The following SLIT3 variants were observed in gnomAD, a reference collection of about 807,000 sequenced individuals.
The protein encoded by SLIT3 is slit guidance ligand 3.
SLIT3 carries 68 observed loss-of-function variants against 184.0 expected under a neutral mutation model. The ratio of observed to expected loss-of-function variants is 0.37; its 90% CI spans 0.30 to 0.45. The LOEUF is 0.45. SLIT3 is among the 20% of genes least tolerant of loss of function. The pLI is 1.00. For missense variants in SLIT3, 1,707 were observed against 2,026.0 expected (o/e 0.84, Z 3.02); for synonymous variants, 831 against 828.6 (o/e 1.00, Z -0.05).
intron 4 of SLIT3, among the ~76,000 whole-genome samples, chr5:168,934,687 G>C (rs1762097312): frequency 1.3e-5 from 2 of 152,046 alleles, no homozygotes; most frequent in Admixed American, 1.3e-4. Flanking sequence ...GTAGGAAAGG[G>C]GAGCACTTCT....
intron 20 of SLIT3, among the ~76,000 whole-genome samples, chr5:168,746,071 A>G (rs1324774987): frequency 6.6e-6 from 1 of 152,234 alleles, no homozygotes; most frequent in Non-Finnish European, 1.5e-5. Context: ...TATAGTATAA[A>G]CATAACTTCG....
At chr5:169,104,217 A>G (rs1760119215) in intron 4 of SLIT3, among the ~76,000 whole-genome samples, 1 of 152,146 alleles carries the variant, frequency 6.6e-6, no homozygotes, top group Non-Finnish European at 1.5e-5. Flanking sequence ...TGCACCCATG[A>G]AGCCGCGCCG....
chr5:168,805,774 G>T (rs1440214262), intron 9 of SLIT3, among the ~76,000 whole-genome samples: 1 of 152,208 alleles, frequency 6.6e-6, no homozygotes, highest in African/African-American at 2.4e-5. Context: ...CTCAGATAAT[G>T]GTAGCTAAGA....
chr5:169,048,598 C>A (rs1757707398), intron 4 of SLIT3, among the ~76,000 whole-genome samples: 1 of 152,222 alleles, frequency 6.6e-6, no homozygotes, highest in African/African-American at 2.4e-5. Flanking sequence ...TTACAGACTT[C>A]TTCCAGTGTT....
chr5:168,920,517 G>A (rs945917053), intron 4 of SLIT3, among the ~76,000 whole-genome samples: 7 of 152,076 alleles, frequency 4.6e-5, no homozygotes, highest in South Asian at 4.2e-4. Context: ...CCATCACGGC[G>A]GCACGGAAGG....
At chr5:169,216,417 C>T (rs984804228) in intron 3 of SLIT3, among the ~76,000 whole-genome samples, 105 of 152,154 alleles carry the variant, frequency 6.9e-4, no homozygotes, top group African/African-American at 2.3e-3. Flanking sequence ...CCACCTGACA[C>T]GTTTCAAAGA....
At chr5:168,678,046 A>C (rs1761467699) in intron 32 of SLIT3, among the ~76,000 whole-genome samples, 1 of 152,194 alleles carries the variant, frequency 6.6e-6, no homozygotes, top group African/African-American at 2.4e-5. Context: ...GAAGGAAGCT[A>C]AGTAACCCGA....
At chr5:168,953,263 G>A (rs190988113) in intron 4 of SLIT3, among the ~76,000 whole-genome samples, 6 of 152,278 alleles carry the variant, frequency 3.9e-5, no homozygotes, top group Non-Finnish European at 8.8e-5. Flanking sequence ...AAATCAGTGC[G>A]ACCTTCATGC....
intron 1 of SLIT3, among the ~76,000 whole-genome samples, chr5:169,252,981 T>A (rs1475478374): frequency 1.3e-5 from 2 of 152,140 alleles, no homozygotes; most frequent in Non-Finnish European, 2.9e-5. Context: ...CTCCTTGAGT[T>A]TTCCAATACC....
At chr5:168,719,945 G>T (rs1363588745) in intron 23 of SLIT3, 1 of 151,992 alleles carries the variant, frequency 6.6e-6, no homozygotes, top group Non-Finnish European at 1.5e-5. Flanking sequence ...ACAGGGTCTG[G>T]CTCTATTGCC....
intron 4 of SLIT3, among the ~76,000 whole-genome samples, chr5:168,894,196 G>A (rs1318920204): frequency 2.0e-5 from 3 of 152,210 alleles, no homozygotes; most frequent in Non-Finnish European, 2.9e-5. Flanking sequence ...GCACAGGAAA[G>A]AGTAAGTTTG....
At chr5:169,103,915 C>T (rs1277583416) in intron 4 of SLIT3, among the ~76,000 whole-genome samples, 2 of 152,186 alleles carry the variant, frequency 1.3e-5, no homozygotes, top group African/African-American at 4.8e-5. Context: ...GGCCGAGTGG[C>T]CCTGCCACTT....
intron 4 of SLIT3, among the ~76,000 whole-genome samples, chr5:169,077,363 C>T (rs536678123): frequency 6.6e-6 from 1 of 151,918 alleles, no homozygotes; most frequent in South Asian, 2.1e-4. Flanking sequence ...TGGTGAAAAC[C>T]CGTCTCTACT....
At chr5:169,220,362 A>G (rs973008060) in intron 3 of SLIT3, among the ~76,000 whole-genome samples, 5 of 152,138 alleles carry the variant, frequency 3.3e-5, no homozygotes, top group Admixed American at 1.3e-4. Flanking sequence ...AAAAAAATCA[A>G]TGTAAGGAAA....
chr5:168,717,027 C>T (rs1174490623), intron 23 of SLIT3, among the ~76,000 whole-genome samples: 2 of 134,552 alleles, frequency 1.5e-5, no homozygotes, highest in Non-Finnish European at 3.1e-5. Flanking sequence ...GACTTCAGGG[C>T]CTCTGTCCAG....
chr5:168,774,336 C>T lies in SLIT3; in HGVS notation c.1194G>A (p.Thr398=), dbSNP rs368233039. The T allele has an allele frequency of 1.1e-5, 17 of 1,613,822 alleles. No homozygotes were observed. In the African/African-American group the frequency reaches 1.2e-4, roughly 11 times the overall value. Residue 398 remains threonine, a synonymous_variant, in exon 13 of 36, where the codon ACG becomes ACA. Transcript: ENST00000519560. The part of the protein sequence containing the change: ...ANKINCLRVN[T]FQDLQNLNLL... ...AGTTGAGGTTCTGCAGGTCCTGAAA[C>T]GTGTTCACCCGCAGGCAGTTGATCT...
chr5:168,917,974 GATTACAAATAT>G (rs1562005604), intron 4 of SLIT3, among the ~76,000 whole-genome samples: 2 of 152,180 alleles, frequency 1.3e-5, no homozygotes, highest in Non-Finnish European at 2.9e-5. Context: ...TTATCATTTT[GATTACAAATAT>G]ATTTCTATCT....
intron 5 of SLIT3, among the ~76,000 whole-genome samples, chr5:168,862,035 C>T (rs1025120708): frequency 5.9e-5 from 9 of 152,180 alleles, no homozygotes; most frequent in Non-Finnish European, 1.2e-4. Flanking sequence ...GAGAACAAAA[C>T]AAGACCATTT....
Position 169,032,527 on chromosome 5 carries a change from A to G in SLIT3, c.414-149191T>C, listed in dbSNP as rs780670334. On this transcript the variant is annotated intron_variant, in intron 4 of 35. Coordinates refer to ENST00000519560, the MANE Select transcript of SLIT3 (RefSeq NM_003062.4). The stretch of plus-strand genomic sequence containing the variant: ...GCCAGTCATTTTTTTTTTTTACCAT[A>G]TATGTGTAAATAGTAACTTGATGTT... Among the ~76,000 whole-genome samples the G allele has an allele frequency of 4.0e-4, 57 of 143,598 alleles. 1 individual carries two copies. Among genetic ancestry groups the G allele is most frequent in the Non-Finnish European group, 7.7e-4 (52 of 67,334 alleles). 94.2% of individuals were successfully genotyped at this position (143,598 alleles called of 152,430 possible). A position where few individuals can be genotyped will look rare whatever the true frequency, so the allele number is the denominator to read the frequency against.
Sources: gnomAD v4.1 joint callset for allele counts (sites outside exome capture counted in the v4.1 genomes callset) on GRCh38, gnomAD v4.1.1 for gene constraint, MANE v1.5 for transcripts, NCBI Gene and HGNC (gene_info 2026-07-23, HGNC 2026-07-21) for gene names.